Variants in DOK6 observed in about 807,000 individuals in gnomAD.
The protein encoded by DOK6 is docking protein 6, also known as downstream of tyrosine kinase 6.
In DOK6, 22 loss-of-function variants were observed where a neutral mutation model predicts 44.0. The observed-to-expected ratio is 0.50, with a 90% CI of 0.36 to 0.71. The LOEUF (loss-of-function observed/expected upper bound fraction) is 0.71, where lower values mean the gene tolerates loss of function less well. DOK6 is among the 30% of genes least tolerant of loss of function. The probability of loss-of-function intolerance (pLI) is 0.00; values close to 1 mark genes in which losing one functional copy is unlikely to be tolerated. For synonymous variants in DOK6, 166 were observed against 145.5 expected, an observed-to-expected ratio of 1.14 and a Z score of -1.01; for missense variants, 340 against 416.4, an observed-to-expected ratio of 0.82 and a Z score of 1.60.
intron 1 of DOK6, among the ~76,000 whole-genome samples, chr18:69,550,379 A>G (rs1437431651): frequency 1.3e-5 from 2 of 152,186 alleles, no homozygotes; most frequent in African/African-American, 4.8e-5. Context: ...AAAAAAATAA[A>G]GCAAAACTAA....
At chr18:69,495,629 C>T (rs141906626) in intron 1 of DOK6, among the ~76,000 whole-genome samples, 399 of 152,260 alleles carry the variant, frequency 2.6e-3, no homozygotes, top group African/African-American at 8.8e-3. Flanking sequence ...CTCCTGTCAG[C>T]GGGACTGGTA....
At chr18:69,666,991 G>A (rs1201231036) in intron 3 of DOK6, among the ~76,000 whole-genome samples, 1 of 149,642 alleles carries the variant, frequency 6.7e-6, no homozygotes, top group East Asian at 2.0e-4. Context: ...CTCCCAGAAG[G>A]ACCCCCCCTC....
chr18:69,738,715 C>G (rs981570243), intron 5 of DOK6, among the ~76,000 whole-genome samples: 31 of 152,122 alleles, frequency 2.0e-4, no homozygotes, highest in African/African-American at 7.2e-4. Context: ...TTTTTCTGTT[C>G]CTTTACACTG....
At chr18:69,535,496 CT>C (rs1015302842) in intron 1 of DOK6, among the ~76,000 whole-genome samples, 5 of 151,494 alleles carry the variant, frequency 3.3e-5, no homozygotes, top group African/African-American at 1.2e-4. Flanking sequence ...TTTAAAAAAC[CT>C]TTTCAACCCC....
At chr18:69,432,193 A>T (rs939702295) in intron 1 of DOK6, among the ~76,000 whole-genome samples, 3 of 152,226 alleles carry the variant, frequency 2.0e-5, no homozygotes, top group African/African-American at 7.2e-5. Flanking sequence ...CTGTATTCCC[A>T]GCACTTTAAA....
chr18:69,729,302 T>C (rs1978334385), intron 5 of DOK6, among the ~76,000 whole-genome samples: 1 of 152,212 alleles, frequency 6.6e-6, no homozygotes, highest in Non-Finnish European at 1.5e-5. Context: ...CATTTTTTTC[T>C]TTATTCTATT....
rs1035688424 is a variant in DOK6, at chr18:69,739,545, A to G, written c.738+442A>G. On this transcript the variant is annotated intron_variant, in intron 6 of 7. Coordinates refer to ENST00000382713, the MANE Select transcript of DOK6 (RefSeq NM_152721.6). ...AAAAGTTCTAGCTCTTCCTGTATGT[A>G]TAATAAAATGTTTACAGAAGGAGGT... Among the ~76,000 whole-genome samples, 28 of 152,226 alleles carry G rather than the reference A, an allele frequency of 1.8e-4. 1 individual carries two copies. Among genetic ancestry groups the G allele is most frequent in the African/African-American group, 6.5e-4 (27 of 41,464 alleles).
intron 7 of DOK6, among the ~76,000 whole-genome samples, chr18:69,780,428 CT>C (rs1258294818): frequency 1.3e-5 from 2 of 152,156 alleles, no homozygotes; most frequent in Non-Finnish European, 2.9e-5. Flanking sequence ...CCTGTCTCTA[CT>C]GAAAATACAA....
intron 1 of DOK6, among the ~76,000 whole-genome samples, chr18:69,460,818 T>C (rs1453098217): frequency 6.6e-6 from 1 of 152,224 alleles, no homozygotes; most frequent in Admixed American, 6.5e-5. Context: ...TTTAAAAGCC[T>C]ACCTCTGCCT....
At chr18:69,644,245 A>G (rs1215369105) in intron 3 of DOK6, among the ~76,000 whole-genome samples, 1 of 152,124 alleles carries the variant, frequency 6.6e-6, no homozygotes, top group Non-Finnish European at 1.5e-5. Flanking sequence ...GTTTTTACAG[A>G]GCAAAAGTTT....
At chr18:69,698,039 A>T (rs1986426856) in intron 4 of DOK6, among the ~76,000 whole-genome samples, 1 of 152,228 alleles carries the variant, frequency 6.6e-6, no homozygotes. Context: ...CTGGAATCGT[A>T]TCTGTGATAT....
rs147067543 is a variant in DOK6, at chr18:69,544,019, G to A, written c.67-20468G>A. On this transcript the variant is annotated intron_variant, in intron 1 of 7. Coordinates refer to ENST00000382713, the MANE Select transcript of DOK6 (RefSeq NM_152721.6). ...GGGGTTAGTTCATGACAGTTCTTGC[G>A]GGGCTGAGGTGGGTGGATCAGGAGG... Among the ~76,000 whole-genome samples the A allele has an allele frequency of 6.1e-3, 921 of 151,204 alleles. 13 individuals carry two copies. The highest frequency in any genetic ancestry group is 0.021 in the African/African-American group (855 of 41,412).
chr18:69,755,916 C>T (rs1979339169), intron 6 of DOK6, among the ~76,000 whole-genome samples: 1 of 152,194 alleles, frequency 6.6e-6, no homozygotes, highest in Non-Finnish European at 1.5e-5. Flanking sequence ...CCCCCACCAG[C>T]CAGCTCCCAC....
intron 6 of DOK6, among the ~76,000 whole-genome samples, chr18:69,741,018 T>A (rs941594366): frequency 4.6e-5 from 7 of 152,202 alleles, no homozygotes; most frequent in Non-Finnish European, 1.5e-5. Context: ...TGGAGCCAAG[T>A]AATTGCTTTT....
At chr18:69,703,913 A>T (rs1986575802) in intron 5 of DOK6, among the ~76,000 whole-genome samples, 1 of 152,212 alleles carries the variant, frequency 6.6e-6, no homozygotes, top group Admixed American at 6.5e-5. Context: ...TCTGATTGAT[A>T]GGATCGGTGG....
In DOK6 at chr18:69,640,510, C is replaced by T. The variant is rs186021548; in HGVS notation, c.290-37224C>T. ...AGAAAAGTGTCTTAGTCCCTTTTTGCATGCTGGCAACAAGTGAAAAACTAC... is the reference window on the plus strand; with the variant it reads ...AGAAAAGTGTCTTAGTCCCTTTTTGTATGCTGGCAACAAGTGAAAAACTAC... On this transcript the variant is annotated intron_variant, in intron 3 of 7. Coordinates refer to ENST00000382713, the MANE Select transcript of DOK6 (RefSeq NM_152721.6). Among the ~76,000 whole-genome samples the T allele has an allele frequency of 3.2e-3, 417 of 131,132 alleles. 1 individual carries two copies. Among genetic ancestry groups the T allele is most frequent in the African/African-American group, 0.01 (395 of 38,728 alleles). 86.0% of individuals were successfully genotyped at this position (131,132 alleles called of 152,430 possible).
At chr18:69,438,658 A>G (rs1382932435) in intron 1 of DOK6, among the ~76,000 whole-genome samples, 1 of 152,218 alleles carries the variant, frequency 6.6e-6, no homozygotes, top group Non-Finnish European at 1.5e-5. Context: ...CATCAGAGGA[A>G]TCACCATTTG....
At chr18:69,694,141 C>T (rs573469129) in intron 4 of DOK6, among the ~76,000 whole-genome samples, 1 of 150,052 alleles carries the variant, frequency 6.7e-6, no homozygotes, top group South Asian at 2.1e-4. Flanking sequence ...CAGTTCTTCT[C>T]GGCACTGATG....
intron 1 of DOK6, among the ~76,000 whole-genome samples, chr18:69,436,959 G>A (rs1158777600): frequency 6.6e-6 from 1 of 152,088 alleles, no homozygotes; most frequent in East Asian, 1.9e-4. Flanking sequence ...AACGTCTTTT[G>A]AGAAGTGTCT....
Sources: allele counts gnomAD v4.1 joint callset (sites outside exome capture counted in the v4.1 genomes callset), GRCh38; gene constraint gnomAD v4.1.1; transcripts MANE v1.5; gene names NCBI Gene and HGNC (gene_info 2026-07-23, HGNC 2026-07-21).